Variants in ADNP observed in about 807,000 individuals in gnomAD.
The protein encoded by ADNP is activity-dependent neuroprotector homeobox protein.
Under a neutral mutation model 84.9 loss-of-function variants are expected in ADNP, and 4 were observed. That is an observed-to-expected ratio of 0.05 (90% CI 0.02 to 0.11). The LOEUF is 0.11. Ranked by LOEUF, ADNP falls within the 10% of genes least tolerant of loss-of-function variation. The pLI is 1.00. For synonymous variants in ADNP, 554 were observed against 468.1 expected (o/e 1.18, Z -2.37); for missense variants, 1,132 against 1,326.0 (o/e 0.85, Z 2.27).
At chr20:50,915,105 A>T (rs904196925) in intron 2 of ADNP, among the ~76,000 whole-genome samples, 2 of 152,224 alleles carry the variant, frequency 1.3e-5, no homozygotes, top group South Asian at 4.1e-4. Context: ...TATGTAACAA[A>T]ATGTATTCTG....
At chr20:50,898,214 C>T (rs780699030) in intron 5 of ADNP, among the ~76,000 whole-genome samples, 13 of 152,136 alleles carry the variant, frequency 8.5e-5, no homozygotes, top group South Asian at 2.1e-4. Flanking sequence ...AAAATTCTTC[C>T]GCTGCCTTTA....
chr20:50,892,956 A>T lies in ADNP; in HGVS notation c.1758T>A (p.Asn586Lys). ...AESVAYHAQN[N>K]PPVPPKPQPK... is the part of the protein sequence containing the mutation. ...GCTGTGGCTTTGGAGGAACTGGAGG[A>T]TTATTTTGGGCATGGTAAGCAACAG... The change falls in exon 6 of 6, where the codon AAT becomes AAA. Residue 586 changes from asparagine (N) to lysine (K), a missense_variant. Transcript: ENST00000621696. 1 of 1,614,062 alleles carries T rather than the reference A, an allele frequency of 6.2e-7. No homozygotes were observed.
chr20:50,920,612 T>C (rs1032127662), intron 2 of ADNP, among the ~76,000 whole-genome samples: 1 of 149,428 alleles, frequency 6.7e-6, no homozygotes, highest in African/African-American at 2.5e-5. Context: ...ATACCAGACC[T>C]ACCCAACCCT....
chr20:50,911,510 CTTT>C (rs371456557), intron 2 of ADNP, among the ~76,000 whole-genome samples: 8 of 141,886 alleles, frequency 5.6e-5, no homozygotes, highest in African/African-American at 5.2e-5. Flanking sequence ...CTTTTCTTTT[CTTT>C]TTTTTTTTTT....
At chr20:50,913,052 A>T (rs891965950) in intron 2 of ADNP, among the ~76,000 whole-genome samples, 1 of 151,892 alleles carries the variant, frequency 6.6e-6, no homozygotes, top group Non-Finnish European at 1.5e-5. Context: ...GGAATTCACG[A>T]CCAGCCTGGC....
chr20:50,914,535 T>C lies in ADNP; in HGVS notation c.-89-9686A>G, dbSNP rs183845621. 7.8e-5 allele frequency: 19 copies of C among 242,734 alleles called. No homozygotes were observed. The Admixed American group carries it at 8.9e-4, about 11-fold the overall frequency. The allele number at this position is 242,734 out of a possible 1,614,324, so 15.0% of individuals were successfully genotyped here. A position where few individuals can be genotyped will look rare whatever the true frequency, so the allele number is the denominator to read the frequency against. ...GTCTTATAAACATGTTGACTATTGT[T>C]CCTGCTGAGGTTCTTATTCTAAACT... On this transcript the variant is annotated intron_variant, in intron 2 of 5. Transcript: ENST00000621696.
intron 1 of ADNP, among the ~76,000 whole-genome samples, chr20:50,929,467 T>C (rs1413734242): frequency 1.3e-5 from 2 of 152,252 alleles, no homozygotes; most frequent in African/African-American, 4.8e-5. Flanking sequence ...CGAGTGTGTC[T>C]TGCTGGGCCC....
rs1980668707 is a variant in ADNP at position 50,891,229 on chromosome 20, A to G, written c.*176T>C. The G allele has an allele frequency of 1.2e-5, 16 of 1,353,796 alleles. No individual in the cohort carries two copies. In the South Asian group the frequency reaches 2.9e-4, roughly 25 times the overall value. The allele number at this position is 1,353,796 out of a possible 1,614,324, so 83.9% of individuals were successfully genotyped here. A position where few individuals can be genotyped will look rare whatever the true frequency, so the allele number is the denominator to read the frequency against. On this transcript the variant is annotated 3_prime_UTR_variant, in exon 6 of 6. Transcript: ENST00000621696. ...TGTCTGTCAGAGAAGGTTCTGAAGC[A>G]AGAACAGCCTGTCCTGTCATAGACT...
At chr20:50,925,017 C>T (rs1174019592) in intron 2 of ADNP, among the ~76,000 whole-genome samples, 1 of 152,062 alleles carries the variant, frequency 6.6e-6, no homozygotes, top group Admixed American at 6.5e-5. Flanking sequence ...TTGAGAGGTT[C>T]CAGGCTTTCT....
chr20:50,926,127 T>C (rs1377649285), intron 2 of ADNP, among the ~76,000 whole-genome samples: 1 of 151,874 alleles, frequency 6.6e-6, no homozygotes, highest in African/African-American at 2.4e-5. Context: ...ACACAAAAAC[T>C]AGGGGAGGAA....
intron 2 of ADNP, among the ~76,000 whole-genome samples, chr20:50,906,633 G>C (rs772549304): frequency 1.3e-5 from 2 of 152,168 alleles, no homozygotes; most frequent in Non-Finnish European, 2.9e-5. Flanking sequence ...TTGGGGGAAA[G>C]AAAAACCCAT....
intron 2 of ADNP, among the ~76,000 whole-genome samples, chr20:50,926,833 T>A (rs1408581447): frequency 6.6e-6 from 1 of 152,168 alleles, no homozygotes; most frequent in Non-Finnish European, 1.5e-5. Flanking sequence ...CTATGAAGTA[T>A]CAATCTCTAC....
rs529868047 is a variant in ADNP, at chr20:50,890,808, C to T, written c.*597G>A. ...AGTCTGTCCAAAAAGTCCATACTAG[C>T]GCAGTTTTGAGCTTTTGCTAGGTAA... On this transcript the variant is annotated 3_prime_UTR_variant, in exon 6 of 6. Coordinates refer to ENST00000621696, the MANE Select transcript of ADNP (RefSeq NM_001282531.3). 13 of 604,094 alleles carry T rather than the reference C, an allele frequency of 2.2e-5. No individual in the cohort carries two copies. In the East Asian group the frequency reaches 1.4e-3, roughly 66 times the overall value. 37.4% of individuals were successfully genotyped at this position (604,094 alleles called of 1,614,324 possible). A position where few individuals can be genotyped will look rare whatever the true frequency, so the allele number is the denominator to read the frequency against.
chr20:50,912,580 C>T (rs1322128536), intron 2 of ADNP, among the ~76,000 whole-genome samples: 4 of 152,144 alleles, frequency 2.6e-5, no homozygotes, highest in Non-Finnish European at 4.4e-5. Context: ...AGTACCTCCA[C>T]GAAATAGTTA....
chr20:50,892,493 A>C lies in ADNP; in HGVS notation c.2221T>G (p.Phe741Val), dbSNP rs549938220. The change falls in exon 6 of 6, where the codon TTC (phenylalanine) becomes GTC (valine). Residue 741 changes from phenylalanine to valine, a missense_variant. Phe to Val is a conservative substitution (Grantham distance 50). Around this residue, in one of 10 missense-constraint regions of ADNP, gnomAD observed 101 missense variants for 78.5 expected, o/e 1.29. Coordinates refer to ENST00000621696, the MANE Select transcript of ADNP (RefSeq NM_001282531.3). ...KLDDDSDSPSFFEEKPEEPVV... is the reference protein window; with the variant it reads ...KLDDDSDSPSVFEEKPEEPVV... ...GGCTCTTCAGGCTTCTCTTCAAAGA[A>C]GCTGGGTGAATCACTATCATCATCT... 6.2e-7 allele frequency: 1 copy of C among 1,614,238 alleles called. No individual in the cohort carries two copies. Among genetic ancestry groups the C allele is most frequent in the South Asian group, 1.1e-5 (1 of 91,082 alleles).
chr20:50,896,091 G>T (rs1023062198), intron 5 of ADNP, among the ~76,000 whole-genome samples: 1 of 151,924 alleles, frequency 6.6e-6, no homozygotes, highest in African/African-American at 2.4e-5. Context: ...TGCACATGGT[G>T]GCAGGCACCT....
chr20:50,918,166 C>CTT (rs11484137), intron 2 of ADNP, among the ~76,000 whole-genome samples: 12 of 151,372 alleles, frequency 7.9e-5, no homozygotes, highest in African/African-American at 2.7e-4. Context: ...TAAACACATT[C>CTT]TTTTTTTTTA....
chr20:50,904,100 C>CA, intron 3 of ADNP, 99 bp from the exon 4 acceptor site: 1 of 863,756 alleles, frequency 1.2e-6, no homozygotes, highest in South Asian at 1.6e-5. Context: ...ACCCATCTGA[C>CA]AAAAAAGGTG....
intron 2 of ADNP, among the ~76,000 whole-genome samples, chr20:50,925,403 A>G (rs908212999): frequency 1.3e-5 from 2 of 152,126 alleles, no homozygotes; most frequent in African/African-American, 4.8e-5. Flanking sequence ...GCTGACCCCA[A>G]AACTGGCAGA....
Sources: gnomAD v4.1 joint callset for allele counts (sites outside exome capture counted in the v4.1 genomes callset) on GRCh38, gnomAD v4.1.1 for gene constraint, gnomAD v4.1.1 regional missense constraint, MANE v1.5 for transcripts, NCBI Gene and HGNC (gene_info 2026-07-23, HGNC 2026-07-21) for gene names.